GPM6B: variants seen among roughly 807,000 people sequenced by gnomAD.
The protein encoded by GPM6B is neuronal membrane glycoprotein M6-b.
Under a neutral mutation model 27.2 loss-of-function variants are expected in GPM6B, and 4 were observed. The ratio of observed to expected loss-of-function variants is 0.15; its 90% CI spans 0.07 to 0.34. The LOEUF (loss-of-function observed/expected upper bound fraction) is 0.34. GPM6B is among the 10% of genes least tolerant of loss of function. The pLI, the probability that GPM6B is intolerant of heterozygous loss-of-function variation, is 1.00. For missense variants in GPM6B, 183 were observed against 261.9 expected, an observed-to-expected ratio of 0.70 and a Z score of 2.08; for synonymous variants, 124 against 103.1, an observed-to-expected ratio of 1.20 and a Z score of -1.23.
chrX:13,936,118 G>A (rs1326020068), intron 1 of GPM6B, among the ~76,000 whole-genome samples: 2 of 111,701 alleles, frequency 1.8e-5, no homozygotes, highest in Non-Finnish European at 3.8e-5. Context: ...TTAGATAGTA[G>A]TGATGGCTGC....
At chrX:13,894,236 C>T (rs1316038285) in intron 1 of GPM6B, among the ~76,000 whole-genome samples, 2 of 111,987 alleles carry the variant, frequency 1.8e-5, no homozygotes, top group Non-Finnish European at 1.9e-5. Flanking sequence ...GTCCACTAAG[C>T]CTTTAAATGA....
At chrX:13,897,498 C>T (rs185024014) in intron 1 of GPM6B, among the ~76,000 whole-genome samples, 143 of 112,123 alleles carry the variant, frequency 1.3e-3, no homozygotes, top group African/African-American at 3.9e-3. Flanking sequence ...TATATTAACA[C>T]ATTAAATAAT....
chrX:13,790,247 AGAGCT>A lies in GPM6B; in HGVS notation c.182-4444_182-4440del. On this transcript the variant is annotated intron_variant, in intron 2 of 7. Transcript: ENST00000316715. ...GGGATATATGGATCTGTAGCTGAGA[AGAGCT>A]GAACTTGGATGCTGGCAGCTTCTAC... 1.8e-5 allele frequency among the ~76,000 whole-genome samples: 2 copies of A among 112,367 alleles called. 1 individual carries two copies.
At chrX:13,778,811 G>A (rs768082885) in intron 5 of GPM6B, among the ~76,000 whole-genome samples, 8 of 112,034 alleles carry the variant, frequency 7.1e-5, no homozygotes, top group Non-Finnish European at 1.3e-4. Flanking sequence ...TTTAGGCTCC[G>A]TTTTTAGCTC....
intron 1 of GPM6B, among the ~76,000 whole-genome samples, chrX:13,930,609 G>A (rs930124769): frequency 2.0e-5 from 2 of 100,443 alleles, no homozygotes; most frequent in African/African-American, 7.2e-5. Flanking sequence ...GCGAGACTCC[G>A]TCTCAAAAAA....
intron 1 of GPM6B, 134 bp downstream of exon 1, chrX:13,816,710 C>A: frequency 1.3e-6 from 1 of 760,825 alleles, no homozygotes; most frequent in Non-Finnish European, 2.0e-6. Flanking sequence ...GGAAAAAAAT[C>A]AACCCTGAAA....
chrX:13,804,699 G>C (rs2048990408), intron 2 of GPM6B, among the ~76,000 whole-genome samples: 1 of 109,630 alleles, frequency 9.1e-6, no homozygotes, highest in Non-Finnish European at 1.9e-5. Flanking sequence ...AACTGCATGA[G>C]TGGGAGAGGC....
intron 1 of GPM6B, among the ~76,000 whole-genome samples, chrX:13,870,974 A>C (rs764432934): frequency 9.0e-6 from 1 of 110,759 alleles, no homozygotes; most frequent in East Asian, 2.8e-4. Flanking sequence ...GGGAGGTTGA[A>C]GTAGATCACT....
intron 1 of GPM6B, among the ~76,000 whole-genome samples, chrX:13,901,803 C>A (rs2050284994): frequency 9.0e-6 from 1 of 111,716 alleles, no homozygotes; most frequent in Non-Finnish European, 1.9e-5. Context: ...CCTAGGACTA[C>A]AAGTTGGACC....
chrX:13,891,364 C>T (rs2050186867), intron 1 of GPM6B, among the ~76,000 whole-genome samples: 2 of 111,012 alleles, frequency 1.8e-5, no homozygotes, highest in African/African-American at 6.6e-5. Flanking sequence ...ATAGTGCTTT[C>T]GGAGTCATGC....
chrX:13,790,538 G>A (rs1384832219), intron 2 of GPM6B, among the ~76,000 whole-genome samples: 5 of 111,346 alleles, frequency 4.5e-5, no homozygotes, highest in Admixed American at 9.5e-5. Flanking sequence ...GCATCTTCCC[G>A]GTCTCAGGTG....
chrX:13,921,061 T>C (rs963840678), intron 1 of GPM6B, among the ~76,000 whole-genome samples: 5 of 112,422 alleles, frequency 4.4e-5, no homozygotes, highest in African/African-American at 1.6e-4. Flanking sequence ...TTATATCATA[T>C]ATGCTATCAT....
chrX:13,932,305 T>A (rs1921612389), intron 1 of GPM6B, among the ~76,000 whole-genome samples: 1 of 111,692 alleles, frequency 9.0e-6, no homozygotes, highest in African/African-American at 3.3e-5. Flanking sequence ...CTGACCCCTA[T>A]CTTCCTGCTC....
At chrX:13,783,322 C>G (rs753347236) in intron 4 of GPM6B, 43 bp downstream of exon 4, 1 of 1,090,883 alleles carries the variant, frequency 9.2e-7, no homozygotes, top group Admixed American at 2.8e-5. Context: ...AGGCATGGCT[C>G]TGGTTGTATA....
intron 1 of GPM6B, among the ~76,000 whole-genome samples, chrX:13,857,556 A>C (rs1030875771): frequency 8.9e-6 from 1 of 112,266 alleles, no homozygotes; most frequent in Non-Finnish European, 1.9e-5. Context: ...CAATTTCTGT[A>C]CTGTTAAAAA....
In GPM6B at chrX:13,843,348, T is replaced by G. The variant is rs540019609; in HGVS notation, c.-197-57540A>C. On this transcript the variant is annotated intron_variant, in intron 1 of 6. Coordinates refer to the GPM6B transcript ENST00000398361. ...TTTTGTTGATCCACTCATCAGTTGA[T>G]GGACATTTGAGTTGTTTCCACCTGT... 1.2e-4 allele frequency among the ~76,000 whole-genome samples: 13 copies of G among 112,602 alleles called. No homozygotes were observed. The South Asian group carries it at 3.7e-3, about 32-fold the overall frequency.
intron 1 of GPM6B, among the ~76,000 whole-genome samples, chrX:13,914,995 C>T (rs1041624631): frequency 6.3e-5 from 7 of 111,455 alleles, no homozygotes; most frequent in African/African-American, 2.0e-4. Flanking sequence ...CAGCTGGGCA[C>T]GGTGGCTCAT....
At chrX:13,914,159 A>T (rs1232447892) in intron 1 of GPM6B, among the ~76,000 whole-genome samples, 2 of 112,412 alleles carry the variant, frequency 1.8e-5, no homozygotes, top group Admixed American at 9.5e-5. Context: ...CATTATTCTG[A>T]AAGAAAAATC....
chrX:13,795,744 T>TTC (rs1375908351), intron 2 of GPM6B, among the ~76,000 whole-genome samples: 2 of 60,424 alleles, frequency 3.3e-5, no homozygotes, highest in African/African-American at 1.3e-4. Context: ...TTTCTTTTCT[T>TTC]TTTTTTTTTT....
Sources: gnomAD v4.1 joint callset for allele counts (sites outside exome capture counted in the v4.1 genomes callset) on GRCh38, gnomAD v4.1.1 for gene constraint, MANE v1.5 for transcripts, NCBI Gene and HGNC (gene_info 2026-07-23, HGNC 2026-07-21) for gene names.